Variants in NISCH observed in about 807,000 individuals in gnomAD.
NISCH encodes the protein I-1 receptor candidate protein.
Under a neutral mutation model 138.4 loss-of-function variants are expected in NISCH, and 55 were observed. The observed-to-expected ratio is 0.40, with a 90% CI of 0.32 to 0.50. The LOEUF (loss-of-function observed/expected upper bound fraction) is 0.50. Among genes scored for constraint, NISCH ranks in the 20% least tolerant of loss-of-function variants. The pLI, the probability that NISCH is intolerant of heterozygous loss-of-function variation, is 0.71. For synonymous variants in NISCH, 860 were observed against 861.5 expected (o/e 1.00, Z 0.03); for missense variants, 1,643 against 2,005.5 (o/e 0.82, Z 3.45).
In NISCH at chr3:52,470,862, ATAAATGGCATC is replaced by A; in HGVS notation, c.365_375del (p.Ile122AsnfsTer6). On this transcript the variant is annotated frameshift_variant, in exon 4 of 21. Transcript: ENST00000345716. LOFTEE classifies it high-confidence loss of function. ...GCAAATTTTGTGTTCTCTGCAGGAG[ATAAATGGCATC>A]ACCGCGGCACTGGCTGAAGAGCTCT... 1 of 1,614,060 alleles carries A rather than the reference ATAAATGGCATC, an allele frequency of 6.2e-7. No individual in the cohort carries two copies. Among genetic ancestry groups the A allele is most frequent in the African/African-American group, 1.3e-5 (1 of 75,014 alleles).
intron 16 of NISCH, among the ~76,000 whole-genome samples, chr3:52,489,090 C>T (rs1396012963): frequency 1.3e-5 from 2 of 152,196 alleles, no homozygotes; most frequent in African/African-American, 4.8e-5. Context: ...CTGTGTTGTT[C>T]AGGCTGGTCT....
chr3:52,488,642 A>C, intron 16 of NISCH, 37 bp downstream of exon 16: 1 of 1,539,336 alleles, frequency 6.5e-7, no homozygotes, highest in Non-Finnish European at 8.8e-7. Context: ...CCCCGGGGGC[A>C]TGGGTCTGGC....
rs1166000318 is a variant in NISCH at position 52,492,357 on chromosome 3, G to A, written c.4390G>A (p.Gly1464Ser). The A allele has an allele frequency of 6.2e-7, 1 of 1,613,294 alleles. No individual in the cohort carries two copies. The highest frequency in any genetic ancestry group is 1.7e-5 in the Admixed American group (1 of 60,008). ...AGGTGGCCCGGCTAGAGCCAGCCAG[G>A]GCCGTGAAGTCCAGTGGCAGGTGTT... ...VPGGPARASQ[G>S]REVQWQVFVP... The change falls in exon 21 of 21, where the codon GGC becomes AGC. Residue 1464 changes from glycine to serine, a missense_variant. By Grantham distance (56) the Gly-to-Ser change is moderately conservative. Transcript: ENST00000345716.
chr3:52,481,104 G>A (rs1707258415), intron 13 of NISCH: 14 of 1,301,654 alleles, frequency 1.1e-5, no homozygotes, highest in Non-Finnish European at 1.4e-5. Context: ...CCCACCCCTT[G>A]ACCTGGTAAC....
intron 13 of NISCH, 175 bp downstream of exon 13, chr3:52,480,470 G>C: frequency 6.5e-7 from 1 of 1,533,442 alleles, no homozygotes; most frequent in Non-Finnish European, 8.7e-7. Context: ...AGGGGTGCCT[G>C]GCCTGATGCC....
rs1158541105 is a variant in NISCH at position 52,487,896 on chromosome 3, G to C, written c.2404G>C (p.Glu802Gln). The C allele has an allele frequency of 5.4e-5, 87 of 1,611,774 alleles. No homozygotes were observed. The Admixed American group carries it at 1.5e-3, about 27-fold the overall frequency. Reference sequence around the variant, plus strand: ...TATCTCGGACGCCGCCAACCTGCACGAGTTCCACGCGGACCTGCGCTCATG... The same window carrying C: ...TATCTCGGACGCCGCCAACCTGCACCAGTTCCACGCGGACCTGCGCTCATG... ...FIISDAANLH[E>Q]FHADLRSCFA... is the part of the protein sequence containing the mutation. Residue 802 changes from glutamate to glutamine, a missense_variant, in exon 16 of 21, where the codon GAG becomes CAG. Transcript: ENST00000345716. This position sits in a 1 kb window ranked among gnomAD's most constrained non-coding sequence, Gnocchi z 9.1.
rs773159602 is a variant in NISCH at position 52,491,477 on chromosome 3, A to G, written c.3868A>G (p.Lys1290Glu). 1.9e-6 allele frequency: 3 copies of G among 1,613,270 alleles called. No homozygotes were observed. The highest frequency in any genetic ancestry group is 8.5e-7 in the Non-Finnish European group (1 of 1,179,884). Residue 1290 changes from lysine to glutamate, a missense_variant, in exon 20 of 21, where the codon AAG (lysine) becomes GAG (glutamate). By Grantham distance (56) the Lys-to-Glu change is moderately conservative (BLOSUM62 1). Coordinates refer to ENST00000345716, the MANE Select transcript of NISCH (RefSeq NM_007184.4). ...CACGCCCTCGCCGGAGCCTGTTGAC[A>G]AGGACTTCTACTCCGAGTTTGGGAA... Reference protein sequence around the residue: ...ERTPSPEPVDKDFYSEFGNKT... With the variant: ...ERTPSPEPVDEDFYSEFGNKT...
intron 12 of NISCH, 111 bp downstream of exon 12, chr3:52,479,973 G>C (rs939094708): frequency 4.0e-6 from 4 of 1,002,726 alleles, no homozygotes; most frequent in Non-Finnish European, 6.0e-6. Context: ...TCCCAGCTGC[G>C]CCCCTCCCTG....
intron 4 of NISCH, 149 bp from the exon 5 acceptor site, chr3:52,471,665 C>A: frequency 1.2e-6 from 1 of 829,786 alleles, no homozygotes; most frequent in Non-Finnish European, 2.0e-6. Context: ...CCCAGGAGGG[C>A]AGCAGCTCCT....
chr3:52,484,462 T>TGGGCG, intron 13 of NISCH, 51 bp from the exon 14 acceptor site: 10 of 788,670 alleles, frequency 1.3e-5, no homozygotes, highest in Non-Finnish European at 1.8e-5. Flanking sequence ...ACAGCCGCTC[T>TGGGCG]CCCCGCCCCA....
At chr3:52,476,739 A>C in intron 8 of NISCH, 140 bp downstream of exon 8, 1 of 858,348 alleles carries the variant, frequency 1.2e-6, no homozygotes, top group Non-Finnish European at 1.8e-6. Flanking sequence ...TTTTAAGTTA[A>C]TTACAAAATG....
At chr3:52,461,389 A>G (rs1412840051) in intron 3 of NISCH, among the ~76,000 whole-genome samples, 1 of 152,234 alleles carries the variant, frequency 6.6e-6, no homozygotes, top group East Asian at 1.9e-4. Flanking sequence ...AAAAGTAGAT[A>G]GCATTCACAG....
At position 52,489,901 on chromosome 3, in the gene NISCH, A is replaced by T. The variant is rs375160175; in HGVS notation, c.3457-174A>T. The T allele has an allele frequency of 3.8e-5, 44 of 1,170,294 alleles. No individual in the cohort carries two copies. The South Asian group carries it at 6.1e-4, about 16-fold the overall frequency. The allele number at this position is 1,170,294 out of a possible 1,614,324, so 72.5% of individuals were successfully genotyped here. A position where few individuals can be genotyped will look rare whatever the true frequency, so the allele number is the denominator to read the frequency against. Reference sequence around the variant, plus strand: ...CTGTGCCACTTCCAGCCCCAGGTAGACCTCCCACCAACAGCCATCTCCCAC... The same window carrying T: ...CTGTGCCACTTCCAGCCCCAGGTAGTCCTCCCACCAACAGCCATCTCCCAC... On this transcript the variant is annotated intron_variant, in intron 17 of 20. Transcript: ENST00000345716.
rs541278008 is a variant in NISCH at position 52,476,804 on chromosome 3, C to T, written c.918+205C>T. The stretch of plus-strand genomic sequence containing the variant: ...ATCCCAGCACTTTGGGAGGCCGAGG[C>T]GGGAGGATCACTTGAGGTCAGGAGT... On this transcript the variant is annotated intron_variant, in intron 8 of 20. Coordinates refer to ENST00000345716, the MANE Select transcript of NISCH (RefSeq NM_007184.4). Among the ~76,000 whole-genome samples the T allele has an allele frequency of 6.9e-4, 105 of 152,220 alleles. 1 individual carries two copies. The highest frequency in any genetic ancestry group is 2.1e-3 in the East Asian group (11 of 5,170).
Position 52,487,586 on chromosome 3 carries a change from G to C in NISCH, c.2094G>C (p.Glu698Asp), listed in dbSNP as rs774463015. 3 of 1,613,664 alleles carry C rather than the reference G, an allele frequency of 1.9e-6. No individual in the cohort carries two copies. The highest frequency in any genetic ancestry group is 2.5e-6 in the Non-Finnish European group (3 of 1,179,760). ...TGGAATGGGCCCTGGGCGCGGACGA[G>C]GACTTCCTGCTGGAGCACATCCGCA... ...LALEWALGAD[E>D]DFLLEHIRIL... Residue 698 changes from glutamate to aspartate, a missense_variant, in exon 16 of 21, where the codon GAG becomes GAC. Physicochemically the swap from Glu to Asp is conservative, Grantham distance 45. Coordinates refer to ENST00000345716, the MANE Select transcript of NISCH (RefSeq NM_007184.4). This position sits in a 1 kb window ranked among gnomAD's most constrained non-coding sequence, Gnocchi z 9.1.
At chr3:52,482,190 G>A (rs1191815916) in intron 13 of NISCH, among the ~76,000 whole-genome samples, 1 of 152,210 alleles carries the variant, frequency 6.6e-6, no homozygotes, top group African/African-American at 2.4e-5. Context: ...CCTGGGTCTT[G>A]CCTGGATGGA....
intron 13 of NISCH, among the ~76,000 whole-genome samples, chr3:52,482,367 G>A (rs146453935): frequency 6.1e-4 from 93 of 152,342 alleles, no homozygotes; most frequent in African/African-American, 2.1e-3. Context: ...CGCTGTCGGA[G>A]CCATGGATGA....
At position 52,478,080 on chromosome 3, in the gene NISCH, TC is replaced by T; in HGVS notation, c.988-16del. On this transcript the variant is annotated splice_polypyrimidine_tract_variant and intron_variant, in intron 9 of 20. Transcript: ENST00000345716. ...CTTGACCTGAGCCACTTTACGCTGT[TC>T]TCCACGCCGCTGCAGCACCTGTATA... 2.5e-6 allele frequency: 4 copies of T among 1,612,640 alleles called. No homozygotes were observed. Among genetic ancestry groups the T allele is most frequent in the Non-Finnish European group, 3.4e-6 (4 of 1,179,662 alleles).
rs1192757292 is a variant in NISCH at position 52,458,861 on chromosome 3, G to A, written c.360+17G>A. The stretch of plus-strand genomic sequence containing the variant: ...CACTTCTATGTAAGTTCCTCATCGG[G>A]TTTTCACCTGTGCCTGCAAACCCAC... On this transcript the variant is annotated intron_variant, in intron 3 of 20. Transcript: ENST00000345716. 6.4e-7 allele frequency: 1 copy of A among 1,571,860 alleles called. No homozygotes were observed.
Sources: gnomAD v4.1 joint callset for allele counts (sites outside exome capture counted in the v4.1 genomes callset) on GRCh38, gnomAD v4.1.1 for gene constraint, Gnocchi (gnomAD v3.1) non-coding constraint, MANE v1.5 for transcripts, NCBI Gene and HGNC (gene_info 2026-07-23, HGNC 2026-07-21) for gene names.